The following KIF14 variants were observed in gnomAD, a reference collection of about 807,000 sequenced individuals.
The protein encoded by KIF14 is kinesin-like protein KIF14.
A neutral mutation model predicts 176.2 loss-of-function variants in KIF14; 98 were observed. That is an observed-to-expected ratio of 0.56 (90% confidence interval 0.47 to 0.66). The LOEUF (loss-of-function observed/expected upper bound fraction) is 0.66. KIF14 is among the 30% of genes least tolerant of loss of function. KIF14 has a pLI of 0.00. For missense variants in KIF14, 1,751 were observed against 1,920.4 expected, an observed-to-expected ratio of 0.91 and a Z score of 1.65; for synonymous variants, 566 against 632.2, an observed-to-expected ratio of 0.90 and a Z score of 1.57.
chr1:200,603,288 T>C lies in KIF14; in HGVS notation c.1917A>G (p.Ala639=). ...TCCTTTGGTTTGCTTGTTCCGAAAG[T>C]GCAGATATAACTTTTCCCAAAGTTA... ...SLLTLGKVIS[A]LSEQANQRSV... is the part of the protein sequence containing the mutation. Residue 639 remains alanine, a synonymous_variant, in exon 10 of 30, where the codon GCA becomes GCG. Coordinates refer to ENST00000367350, the MANE Select transcript of KIF14 (RefSeq NM_014875.3). 6.2e-7 allele frequency: 1 copy of C among 1,610,554 alleles called. No homozygotes were observed. Among genetic ancestry groups the C allele is most frequent in the Non-Finnish European group, 8.5e-7 (1 of 1,177,596 alleles).
In KIF14 at chr1:200,605,402, AAAGG is replaced by A. The variant is rs759078393; in HGVS notation, c.1639-16_1639-13del. ...AATTCTAGCCAACTCTTATAAGAAA[AAAGG>A]AAGGAAGATCAGATCAGCAGACTGT... On this transcript the variant is annotated splice_polypyrimidine_tract_variant and intron_variant, in intron 7 of 29. Transcript: ENST00000367350. The A allele has an allele frequency of 1.9e-6, 3 of 1,590,218 alleles. No individual in the cohort carries two copies. The highest frequency in any genetic ancestry group is 2.6e-6 in the Non-Finnish European group (3 of 1,159,430).
rs1028496375 is a variant in KIF14, at chr1:200,620,428, C to T, written c.-133G>A. On this transcript the variant is annotated 5_prime_UTR_variant, in exon 1 of 30. Transcript: ENST00000367350. ...AGAATTACCTCTTAATGCCAACCGA[C>T]TCGGGGAGACTCGGGGAGAAGCCCA... is the stretch of plus-strand genomic sequence containing the variant. 1.3e-5 allele frequency: 2 copies of T among 151,646 alleles called. No homozygotes were observed. Among genetic ancestry groups the T allele is most frequent in the African/African-American group, 4.9e-5 (2 of 40,888 alleles). The allele number at this position is 151,646 out of a possible 1,614,324, so 9.4% of individuals were successfully genotyped here. A position where few individuals can be genotyped will look rare whatever the true frequency, so the allele number is the denominator to read the frequency against.
At chr1:200,605,205 CT>C in intron 8 of KIF14, 77 bp downstream of exon 8, 1 of 1,416,324 alleles carries the variant, frequency 7.1e-7, no homozygotes, top group Non-Finnish European at 9.8e-7. Context: ...AGATCGGGAA[CT>C]TTTTAAAAAA....
At chr1:200,593,386 A>G (rs1659150508) in intron 15 of KIF14, among the ~76,000 whole-genome samples, 1 of 152,210 alleles carries the variant, frequency 6.6e-6, no homozygotes, top group African/African-American at 2.4e-5. Flanking sequence ...AGCAAATGGC[A>G]AAGCCAGGAT....
At chr1:200,559,209 G>T (rs553917695) in intron 27 of KIF14, 121 bp downstream of exon 27, 2 of 585,704 alleles carry the variant, frequency 3.4e-6, no homozygotes, top group Non-Finnish European at 5.1e-6. Context: ...AGCCTCTTCA[G>T]TGAAAAATAA....
intron 15 of KIF14, 36 bp downstream of exon 15, chr1:200,593,631 G>C (rs16846955): frequency 1.6e-6 from 2 of 1,282,586 alleles, no homozygotes; most frequent in Non-Finnish European, 2.3e-6. Context: ...ATCCAAAGTC[G>C]AACAGTTTCT....
intron 15 of KIF14, among the ~76,000 whole-genome samples, chr1:200,593,040 G>A (rs891255083): frequency 1.2e-4 from 19 of 152,048 alleles, no homozygotes; most frequent in African/African-American, 4.3e-4. Flanking sequence ...TCTCATTTAC[G>A]ATTCACAACA....
intron 7 of KIF14, 110 bp from the exon 8 acceptor site, chr1:200,605,500 C>T (rs1000856113): frequency 1.3e-5 from 8 of 630,052 alleles, no homozygotes; most frequent in Non-Finnish European, 2.1e-5. Context: ...CAGACTGTAA[C>T]TCAATGATAT....
chr1:200,583,960 G>A (rs912169768), intron 19 of KIF14, among the ~76,000 whole-genome samples: 6 of 151,100 alleles, frequency 4.0e-5, no homozygotes, highest in African/African-American at 9.7e-5. Flanking sequence ...AAAAATAGTC[G>A]GGCCGGGCCC....
chr1:200,564,286 C>T (rs71635505), intron 25 of KIF14, among the ~76,000 whole-genome samples: 1,604 of 142,672 alleles, frequency 0.011, 22 homozygotes, highest in Middle Eastern at 0.019. Context: ...AAAAGGCAAA[C>T]TTTGCCCTAT....
intron 25 of KIF14, among the ~76,000 whole-genome samples, chr1:200,562,729 A>C (rs915004480): frequency 1.1e-4 from 16 of 152,124 alleles, no homozygotes; most frequent in African/African-American, 3.6e-4. Context: ...ATGCTGTCAG[A>C]AATTCTCCTT....
At chr1:200,578,438 T>C (rs1658251649) in intron 21 of KIF14, among the ~76,000 whole-genome samples, 1 of 152,166 alleles carries the variant, frequency 6.6e-6, no homozygotes, top group African/African-American at 2.4e-5. Context: ...TTACAAATAG[T>C]AGCAATGCAA....
chr1:200,587,188 T>G (rs780011250), intron 18 of KIF14, among the ~76,000 whole-genome samples: 8 of 152,002 alleles, frequency 5.3e-5, no homozygotes, highest in Non-Finnish European at 7.4e-5. Context: ...CATTGAAGAC[T>G]CAGGGAGAGT....
At chr1:200,605,638 A>G (rs982518804) in intron 7 of KIF14, among the ~76,000 whole-genome samples, 4 of 152,202 alleles carry the variant, frequency 2.6e-5, no homozygotes, top group South Asian at 2.1e-4. Flanking sequence ...GAGGCAGGAA[A>G]TAATAACTTT....
chr1:200,574,937 A>ATTTTTTTT (rs35584654), intron 22 of KIF14, among the ~76,000 whole-genome samples: 9 of 110,678 alleles, frequency 8.1e-5, no homozygotes, highest in Admixed American at 1.1e-4. Flanking sequence ...AGAAAGGGTA[A>ATTTTTTTT]TTTTTTTTTT....
At chr1:200,555,993 C>T (rs187040872) in intron 27 of KIF14, among the ~76,000 whole-genome samples, 3 of 152,250 alleles carry the variant, frequency 2.0e-5, no homozygotes, top group African/African-American at 7.2e-5. Flanking sequence ...GGGTAAGTAA[C>T]ATATCAAGCA....
rs553275048 is a variant in KIF14, at chr1:200,598,144, A to G, written c.2549+93T>C. The G allele has an allele frequency of 5.6e-6, 6 of 1,065,618 alleles. No individual in the cohort carries two copies. The East Asian group carries it at 1.4e-4, about 26-fold the overall frequency. 66.0% of individuals were successfully genotyped at this position (1,065,618 alleles called of 1,614,324 possible). A position where few individuals can be genotyped will look rare whatever the true frequency, so the allele number is the denominator to read the frequency against. On this transcript the variant is annotated intron_variant, in intron 14 of 29. Transcript: ENST00000367350. Reference sequence around the variant, plus strand: ...TGGGTTTGAAGAATTCTACCAAACGATCAGTATCAACGAATATGCCATATG... The same window carrying G: ...TGGGTTTGAAGAATTCTACCAAACGGTCAGTATCAACGAATATGCCATATG...
intron 2 of KIF14, among the ~76,000 whole-genome samples, chr1:200,616,772 A>G (rs981930220): frequency 6.6e-6 from 1 of 152,184 alleles, no homozygotes; most frequent in African/African-American, 2.4e-5. Context: ...TGTCATGTCC[A>G]TCTTTTCCAA....
In KIF14 at chr1:200,552,727, G is replaced by A. The variant is rs1656598145; in HGVS notation, c.*661C>T. ...TTTGATTAACAATGCAAGTTAAGTT[G>A]TCTTAGTTAAACTTGTACAGGCCAT... is the stretch of plus-strand genomic sequence containing the variant. On this transcript the variant is annotated 3_prime_UTR_variant, in exon 30 of 30. Coordinates refer to ENST00000367350, the MANE Select transcript of KIF14 (RefSeq NM_014875.3). 1 of 151,974 alleles carries A rather than the reference G, an allele frequency of 6.6e-6. No individual in the cohort carries two copies. Among genetic ancestry groups the A allele is most frequent in the African/African-American group, 2.4e-5 (1 of 41,400 alleles). The allele number at this position is 151,974 out of a possible 1,614,324, so 9.4% of individuals were successfully genotyped here.
Sources: allele counts gnomAD v4.1 joint callset (sites outside exome capture counted in the v4.1 genomes callset), GRCh38; gene constraint gnomAD v4.1.1; transcripts MANE v1.5; gene names NCBI Gene and HGNC (gene_info 2026-07-23, HGNC 2026-07-21).